NIPBL: variants seen among roughly 807,000 people sequenced by gnomAD.
The protein encoded by NIPBL is NIPBL cohesin loading factor, also known as nipped-B-like protein.
In NIPBL, 19 loss-of-function variants were observed where a neutral mutation model predicts 321.8. The observed-to-expected ratio is 0.06, with a 90% CI of 0.04 to 0.09. The LOEUF (loss-of-function observed/expected upper bound fraction) is 0.09, where lower values mean the gene tolerates loss of function less well. Ranked by LOEUF, NIPBL falls within the 10% of genes least tolerant of loss-of-function variation. NIPBL has a pLI of 1.00. For synonymous variants in NIPBL, 1,106 were observed against 1,114.1 expected (o/e 0.99, Z 0.14); for missense variants, 2,210 against 3,327.0 (o/e 0.66, Z 8.26).
chr5:36,921,257 T>G lies in NIPBL; in HGVS notation c.-79-32361T>G, dbSNP rs549397619. ...TTCCATGAGTACATATTGATTCTGG[T>G]TTGACTACTATTTTGAAATAGAGTG... On this transcript the variant is annotated intron_variant, in intron 1 of 46. Coordinates refer to ENST00000282516, the MANE Select transcript of NIPBL (RefSeq NM_133433.4). Among the ~76,000 whole-genome samples the G allele has an allele frequency of 2.0e-5, 3 of 152,216 alleles. No homozygotes were observed. The South Asian group carries it at 6.2e-4, about 32-fold the overall frequency.
At chr5:37,002,572 C>T (rs1746947393) in intron 14 of NIPBL, 90 bp from the exon 15 acceptor site, 1 of 875,098 alleles carries the variant, frequency 1.1e-6, no homozygotes. Flanking sequence ...GTTTGCATGT[C>T]TAAAAATTTT....
chr5:36,931,342 G>A (rs1444774388), intron 1 of NIPBL, among the ~76,000 whole-genome samples: 2 of 151,694 alleles, frequency 1.3e-5, no homozygotes, highest in Admixed American at 1.3e-4. Flanking sequence ...TTTTGAAAAG[G>A]AGTCTCACTC....
intron 1 of NIPBL, among the ~76,000 whole-genome samples, chr5:36,897,796 A>G (rs1311450387): frequency 6.6e-6 from 1 of 152,050 alleles, no homozygotes; most frequent in Non-Finnish European, 1.5e-5. Flanking sequence ...GATGCAAAAT[A>G]AATTCTATTG....
chr5:37,037,619 T>C (rs996397657), intron 33 of NIPBL, among the ~76,000 whole-genome samples: 1 of 150,398 alleles, frequency 6.6e-6, no homozygotes, highest in African/African-American at 2.4e-5. Flanking sequence ...CTTTATATTT[T>C]TTATGCAGTC....
chr5:36,899,016 A>T (rs573095708), intron 1 of NIPBL, among the ~76,000 whole-genome samples: 2 of 151,964 alleles, frequency 1.3e-5, no homozygotes, highest in East Asian at 1.9e-4. Flanking sequence ...ACTTCAGAAA[A>T]CTCTCAAGTG....
intron 1 of NIPBL, among the ~76,000 whole-genome samples, chr5:36,909,319 C>G (rs2149543600): frequency 6.6e-6 from 1 of 152,266 alleles, no homozygotes. Context: ...GTAAAAGCTT[C>G]ACATTGGACA....
At chr5:37,015,610 G>A (rs1174258752) in intron 22 of NIPBL, among the ~76,000 whole-genome samples, 1 of 152,048 alleles carries the variant, frequency 6.6e-6, no homozygotes, top group Non-Finnish European at 1.5e-5. Context: ...CACGCCTGTA[G>A]TCCCAGCTAC....
chr5:37,006,970 C>T (rs1236797362), intron 17 of NIPBL, among the ~76,000 whole-genome samples: 4 of 151,770 alleles, frequency 2.6e-5, no homozygotes, highest in African/African-American at 7.3e-5. Flanking sequence ...TAAGGTCATA[C>T]CTAAGTATAG....
At chr5:36,913,974 C>G (rs1748250043) in intron 1 of NIPBL, among the ~76,000 whole-genome samples, 1 of 152,098 alleles carries the variant, frequency 6.6e-6, no homozygotes, top group Non-Finnish European at 1.5e-5. Context: ...ATTACTTATC[C>G]AACAGTTTGT....
intron 1 of NIPBL, among the ~76,000 whole-genome samples, chr5:36,912,518 T>TG (rs1748123691): frequency 7.9e-5 from 12 of 151,740 alleles, no homozygotes; most frequent in African/African-American, 2.9e-4. Flanking sequence ...TTTTTTTTTT[T>TG]TGGGGATGGA....
At chr5:36,892,080 G>A (rs1746373058) in intron 1 of NIPBL, among the ~76,000 whole-genome samples, 2 of 152,176 alleles carry the variant, frequency 1.3e-5, no homozygotes, top group Non-Finnish European at 2.9e-5. Context: ...GAAAAATTTA[G>A]TGGCTTGGTC....
At chr5:36,904,199 G>A (rs930493318) in intron 1 of NIPBL, among the ~76,000 whole-genome samples, 16 of 152,198 alleles carry the variant, frequency 1.1e-4, no homozygotes, top group South Asian at 2.1e-4. Flanking sequence ...GGCCGGGTGC[G>A]GTGGCTCGCG....
intron 34 of NIPBL, among the ~76,000 whole-genome samples, chr5:37,039,531 A>C (rs1189168945): frequency 6.6e-6 from 1 of 152,076 alleles, no homozygotes; most frequent in Non-Finnish European, 1.5e-5. Context: ...TTGCTTTATG[A>C]AGTAGGTACT....
intron 8 of NIPBL, 82 bp downstream of exon 8, chr5:36,972,123 T>A: frequency 1.1e-6 from 1 of 892,266 alleles, no homozygotes; most frequent in Non-Finnish European, 1.8e-6. Context: ...AAGCAGATAT[T>A]AAAAAGTTAT....
chr5:36,950,141 G>A (rs1740108332), intron 1 of NIPBL, among the ~76,000 whole-genome samples: 1 of 151,972 alleles, frequency 6.6e-6, no homozygotes, highest in Non-Finnish European at 1.5e-5. Flanking sequence ...AATTGTAGGT[G>A]AGCAGGCCCA....
chr5:37,048,395 A>T, intron 38 of NIPBL, 107 bp from the exon 39 acceptor site: 1 of 632,122 alleles, frequency 1.6e-6, no homozygotes, highest in Non-Finnish European at 2.3e-6. Flanking sequence ...TTTAAGTTTT[A>T]ATTTTTTGAA....
At chr5:37,042,267 T>C (rs768710049) in intron 34 of NIPBL, among the ~76,000 whole-genome samples, 3 of 150,074 alleles carry the variant, frequency 2.0e-5, no homozygotes, top group Non-Finnish European at 4.4e-5. Context: ...AAACCCTGTC[T>C]CTACTAAAAA....
chr5:36,974,358 A>T (rs1312024790), intron 8 of NIPBL, among the ~76,000 whole-genome samples: 1 of 152,162 alleles, frequency 6.6e-6, no homozygotes, highest in Non-Finnish European at 1.5e-5. Flanking sequence ...TGATTTTTAG[A>T]TTAATTATTA....
At chr5:37,014,430 A>G (rs181628014) in intron 21 of NIPBL, among the ~76,000 whole-genome samples, 2 of 152,228 alleles carry the variant, frequency 1.3e-5, no homozygotes, top group African/African-American at 4.8e-5. Flanking sequence ...AACTATTGAT[A>G]TTAAATTTGT....
Sources: allele counts gnomAD v4.1 joint callset (sites outside exome capture counted in the v4.1 genomes callset), GRCh38; gene constraint gnomAD v4.1.1; transcripts MANE v1.5; gene names NCBI Gene and HGNC (gene_info 2026-07-23, HGNC 2026-07-21).